Variants in NEBL observed in about 807,000 individuals in gnomAD.
The protein encoded by NEBL is LIM and SH3 protein 2.
In NEBL, 122 loss-of-function variants were observed where a neutral mutation model predicts 140.2. That is an observed-to-expected ratio of 0.87 (90% CI 0.75 to 1.01). The LOEUF is 1.01. NEBL is among the 50% of genes least tolerant of loss of function. The pLI, the probability that NEBL is intolerant of heterozygous loss-of-function variation, is 0.00. For synonymous variants in NEBL, 436 were observed against 398.9 expected (o/e 1.09, Z -1.11); for missense variants, 1,365 against 1,231.3 (o/e 1.11, Z -1.62).
intron 26 of NEBL, among the ~76,000 whole-genome samples, chr10:20,807,077 G>A (rs1015847838): frequency 4.6e-5 from 7 of 152,136 alleles, no homozygotes; most frequent in South Asian, 4.1e-4. Context: ...TCTGATCCCC[G>A]CACTTGGGAG....
At chr10:20,939,252 A>G (rs1014097726) in intron 4 of NEBL, among the ~76,000 whole-genome samples, 11 of 152,340 alleles carry the variant, frequency 7.2e-5, no homozygotes, top group Non-Finnish European at 1.0e-4. Flanking sequence ...GAAACTCTAC[A>G]AGCCAGAAGA....
Position 20,831,547 on chromosome 10 carries a change from C to T in NEBL, c.1486G>A (p.Gly496Arg). 1.9e-6 allele frequency: 3 copies of T among 1,612,170 alleles called. No homozygotes were observed. Among genetic ancestry groups the T allele is most frequent in the African/African-American group, 1.3e-5 (1 of 74,706 alleles). ...YKRDLETEIKGKGMQVSTDTL... is the reference protein window; with the variant it reads ...YKRDLETEIKRKGMQVSTDTL... ...TCTGTGCTCACCTGCATCCCTTTCC[C>T]TTTAATTTCAGTCTCCAGATCTCTT... The change falls in exon 15 of 28, where the codon GGG becomes AGG. Residue 496 changes from glycine (G) to arginine (R), a missense_variant. By Grantham distance (125) the Gly-to-Arg change is moderately radical. Coordinates refer to ENST00000377122, the MANE Select transcript of NEBL (RefSeq NM_006393.3).
At chr10:21,189,353 G>A (rs889389118) in intron 3 of NEBL, among the ~76,000 whole-genome samples, 1 of 152,084 alleles carries the variant, frequency 6.6e-6, no homozygotes, top group African/African-American at 2.4e-5. Context: ...ACCAGAAGCT[G>A]GAAAAAGCAA....
intron 9 of NEBL, among the ~76,000 whole-genome samples, chr10:20,854,568 T>C (rs1475591796): frequency 6.8e-6 from 1 of 146,496 alleles, no homozygotes; most frequent in Admixed American, 6.8e-5. Context: ...GTACTTTTTT[T>C]TTTTTTTTTT....
chr10:20,978,075 G>C (rs149522882), intron 3 of NEBL, among the ~76,000 whole-genome samples: 9 of 152,054 alleles, frequency 5.9e-5, no homozygotes, highest in Admixed American at 3.9e-4. Flanking sequence ...GGCTCCTAAC[G>C]CTTCAGGAAA....
intron 4 of NEBL, among the ~76,000 whole-genome samples, chr10:20,933,999 A>G (rs1379628333): frequency 1.3e-5 from 2 of 152,190 alleles, no homozygotes; most frequent in East Asian, 1.9e-4. Flanking sequence ...TTGTAAAAGT[A>G]CAGGTTGATT....
intron 10 of NEBL, among the ~76,000 whole-genome samples, chr10:20,851,384 T>A (rs1209282563): frequency 6.6e-6 from 1 of 152,134 alleles, no homozygotes; most frequent in Non-Finnish European, 1.5e-5. Flanking sequence ...TGACACATTT[T>A]AAAATACCTA....
At chr10:20,881,280 G>A (rs1394856880) in intron 4 of NEBL, among the ~76,000 whole-genome samples, 1 of 152,210 alleles carries the variant, frequency 6.6e-6, no homozygotes, top group Non-Finnish European at 1.5e-5. Context: ...ATATTTGAAA[G>A]TAAATTGTTT....
At chr10:21,012,436 T>A (rs1490337321) in intron 3 of NEBL, among the ~76,000 whole-genome samples, 2 of 152,200 alleles carry the variant, frequency 1.3e-5, no homozygotes, top group Non-Finnish European at 2.9e-5. Context: ...CACAGCTCAC[T>A]GCATCCTTGA....
intron 4 of NEBL, among the ~76,000 whole-genome samples, chr10:20,881,980 G>A (rs1846049510): frequency 1.3e-5 from 2 of 152,120 alleles, no homozygotes; most frequent in South Asian, 4.1e-4. Flanking sequence ...CAAGGAGAGA[G>A]ACTTGCTCAC....
intron 20 of NEBL, chr10:20,819,160 A>G (rs1839026119): frequency 1.5e-5 from 13 of 858,254 alleles, no homozygotes; most frequent in Middle Eastern, 4.3e-4. Flanking sequence ...TGACTTCATC[A>G]CCCCGGCATT....
intron 3 of NEBL, among the ~76,000 whole-genome samples, chr10:21,241,698 T>C (rs1842441809): frequency 6.6e-6 from 1 of 151,960 alleles, no homozygotes; most frequent in Admixed American, 6.6e-5. Flanking sequence ...GTAAGGAGGT[T>C]CCTATGCCTA....
intron 3 of NEBL, among the ~76,000 whole-genome samples, chr10:21,007,958 G>C (rs185159106): frequency 9.9e-5 from 15 of 152,274 alleles, no homozygotes; most frequent in African/African-American, 3.6e-4. Context: ...CACAGATGGG[G>C]AACTTAAATT....
At chr10:21,238,415 T>C (rs528770777) in intron 3 of NEBL, among the ~76,000 whole-genome samples, 5 of 152,226 alleles carry the variant, frequency 3.3e-5, no homozygotes, top group African/African-American at 1.2e-4. Flanking sequence ...GTTAAGAAAG[T>C]TGGGCCGGGC....
At chr10:21,136,403 G>A (rs534059182) in intron 2 of NEBL, among the ~76,000 whole-genome samples, 2 of 152,190 alleles carry the variant, frequency 1.3e-5, no homozygotes, top group South Asian at 4.2e-4. Flanking sequence ...ATCACAGCTC[G>A]CTGCAGTTTC....
chr10:21,001,228 T>C (rs1837883358), intron 3 of NEBL, among the ~76,000 whole-genome samples: 1 of 152,142 alleles, frequency 6.6e-6, no homozygotes, highest in South Asian at 2.1e-4. Flanking sequence ...TAACAGCACC[T>C]GGTTGTCACA....
rs1450381928 is a variant in NEBL, at chr10:20,850,593, C to G, written c.1009-91G>C. ...AAAATATATGTTCTAAACTAGTCAT[C>G]TTGTTGTCTAAAATCATATTATTCT... On this transcript the variant is annotated intron_variant, in intron 10 of 27. Transcript: ENST00000377122. 3 of 836,302 alleles carry G rather than the reference C, an allele frequency of 3.6e-6. No individual in the cohort carries two copies. The East Asian group carries it at 7.6e-5, about 21-fold the overall frequency. 51.8% of individuals were successfully genotyped at this position (836,302 alleles called of 1,614,324 possible).
At chr10:20,814,333 T>C (rs748963121) in intron 22 of NEBL, among the ~76,000 whole-genome samples, 1 of 151,792 alleles carries the variant, frequency 6.6e-6, no homozygotes, top group African/African-American at 2.4e-5. Flanking sequence ...CGAGGACTCG[T>C]ATCTGTAATC....
intron 4 of NEBL, among the ~76,000 whole-genome samples, chr10:20,934,108 A>C (rs139230777): frequency 6.6e-6 from 1 of 152,034 alleles, no homozygotes; most frequent in Non-Finnish European, 1.5e-5. Flanking sequence ...GCAAGTTCTC[A>C]CTCCCTGCTT....
Sources: gnomAD v4.1 joint callset for allele counts (sites outside exome capture counted in the v4.1 genomes callset) on GRCh38, gnomAD v4.1.1 for gene constraint, MANE v1.5 for transcripts, NCBI Gene and HGNC (gene_info 2026-07-23, HGNC 2026-07-21) for gene names.